ZNF346: variants seen among roughly 807,000 people sequenced by gnomAD.
The protein encoded by ZNF346 is zinc finger protein 346.
A neutral mutation model predicts 33.7 loss-of-function variants in ZNF346; 23 were observed. The observed-to-expected ratio is 0.68, with a 90% CI of 0.49 to 0.97. ZNF346 has a LOEUF of 0.97. Ranked by LOEUF, ZNF346 falls within the 50% of genes least tolerant of loss-of-function variation. The pLI is 0.00. For synonymous variants in ZNF346, 134 were observed against 142.4 expected (o/e 0.94, Z 0.42); for missense variants, 340 against 371.1 (o/e 0.92, Z 0.69).
chr5:177,028,040 CTTTTTTTTTTTTTTTTTTTT>C (rs10682528), intron 1 of ZNF346, among the ~76,000 whole-genome samples: 1 of 33,540 alleles, frequency 3.0e-5, no homozygotes, highest in African/African-American at 1.4e-4. Context: ...CCTTGTGTCA[CTTTTTTTTTTTTTTTTTTTT>C]TTTTTTTTTT....
intron 4 of ZNF346, among the ~76,000 whole-genome samples, chr5:177,047,299 G>A (rs547019848): frequency 5.3e-5 from 8 of 150,928 alleles, no homozygotes; most frequent in African/African-American, 1.2e-4. Flanking sequence ...TGATCTTACC[G>A]TATGGTATGT....
chr5:177,047,030 TTTTATTTATTTATTTA>T (rs140329566), intron 4 of ZNF346, among the ~76,000 whole-genome samples: 3 of 147,794 alleles, frequency 2.0e-5, no homozygotes, highest in African/African-American at 4.9e-5. Flanking sequence ...TTTTATTTAT[TTTTATTTATTTATTTA>T]TTTATTTATT....
intron 3 of ZNF346, among the ~76,000 whole-genome samples, chr5:177,042,922 GCTCACTGCAAC>G (rs1197028116): frequency 6.6e-5 from 10 of 152,196 alleles, no homozygotes; most frequent in African/African-American, 2.4e-4. Context: ...CACGATCTCA[GCTCACTGCAAC>G]CTCCACCTCC....
chr5:177,039,844 ACTCTGC>A (rs538703662), intron 1 of ZNF346, among the ~76,000 whole-genome samples: 3 of 151,946 alleles, frequency 2.0e-5, no homozygotes, highest in African/African-American at 4.8e-5. Context: ...CCAGTTTTAG[ACTCTGC>A]CTCTGCCTCT....
At chr5:177,023,215 C>G (rs543247433) in intron 1 of ZNF346, 2 of 1,536,574 alleles carry the variant, frequency 1.3e-6, no homozygotes, top group African/African-American at 1.4e-5. Context: ...TGTCGGAGAC[C>G]TACAGTCTTT....
At chr5:177,054,344 T>C (rs1256689110) in intron 5 of ZNF346, among the ~76,000 whole-genome samples, 1 of 152,016 alleles carries the variant, frequency 6.6e-6, no homozygotes, top group Non-Finnish European at 1.5e-5. Flanking sequence ...GTGCTGGGAT[T>C]ACAGACATGA....
rs765648257 is a variant in ZNF346 at position 177,041,764 on chromosome 5, C to T, written c.280-14C>T. ...CATTTGGCTATCTTTGATCTTTCTC[C>T]TGGGTTTTTGCAGAGCAAAAAACAT... On this transcript the variant is annotated splice_polypyrimidine_tract_variant and intron_variant, in intron 2 of 6. Transcript: ENST00000358149. 2.1e-5 allele frequency: 33 copies of T among 1,576,278 alleles called. No individual in the cohort carries two copies. The highest frequency in any genetic ancestry group is 2.9e-5 in the Non-Finnish European group (33 of 1,146,652).
intron 1 of ZNF346, among the ~76,000 whole-genome samples, chr5:177,030,153 A>G (rs1777459176): frequency 6.6e-6 from 1 of 152,182 alleles, no homozygotes; most frequent in African/African-American, 2.4e-5. Context: ...TTTTATTTTC[A>G]CTTAAATCAG....
chr5:177,033,288 G>T (rs781268505), intron 1 of ZNF346, among the ~76,000 whole-genome samples: 1 of 152,076 alleles, frequency 6.6e-6, no homozygotes, highest in African/African-American at 2.4e-5. Flanking sequence ...TTTGCTGCCT[G>T]TGTTGGTCTC....
chr5:177,052,406 C>A (rs1040482624), intron 5 of ZNF346: 5 of 151,504 alleles, frequency 3.3e-5, no homozygotes, highest in African/African-American at 7.3e-5. Flanking sequence ...TGGTCTCGAA[C>A]TCCTGACCTC....
chr5:177,045,657 A>G (rs930458652), intron 4 of ZNF346, among the ~76,000 whole-genome samples: 1 of 151,812 alleles, frequency 6.6e-6, no homozygotes, highest in Non-Finnish European at 1.5e-5. Flanking sequence ...CGCCGGCCAA[A>G]ACCTTTTTTT....
chr5:177,026,789 T>G (rs1776843503), intron 1 of ZNF346, among the ~76,000 whole-genome samples: 1 of 152,224 alleles, frequency 6.6e-6, no homozygotes, highest in African/African-American at 2.4e-5. Context: ...GGAGTGGGAC[T>G]CATACAAAGT....
chr5:177,051,203 C>G (rs1391731505), intron 5 of ZNF346, among the ~76,000 whole-genome samples: 8 of 110,668 alleles, frequency 7.2e-5, no homozygotes, highest in Admixed American at 6.4e-4. Context: ...GAGACAGAGT[C>G]TTGCTCTGTC....
chr5:177,056,531 A>G (rs1219379187), intron 5 of ZNF346, among the ~76,000 whole-genome samples: 1 of 152,216 alleles, frequency 6.6e-6, no homozygotes, highest in East Asian at 1.9e-4. Context: ...TCCATCAATG[A>G]TAGACTGGAT....
At chr5:177,041,026 C>A in intron 1 of ZNF346, 100 bp from the exon 2 acceptor site, 2 of 882,316 alleles carry the variant, frequency 2.3e-6, no homozygotes, top group South Asian at 1.5e-5. Context: ...CCTAGTATGG[C>A]ATCCCATCAT....
At chr5:177,038,413 C>A (rs1271548893) in intron 1 of ZNF346, among the ~76,000 whole-genome samples, 1 of 151,132 alleles carries the variant, frequency 6.6e-6, no homozygotes, top group Non-Finnish European at 1.5e-5. Context: ...ACAACCGGCC[C>A]TGTGATGGTC....
rs1030181428 is a variant in ZNF346 at position 177,022,707 on chromosome 5, A to G, written c.-32A>G. On this transcript the variant is annotated 5_prime_UTR_variant, in exon 1 of 7. Coordinates refer to ENST00000358149, the MANE Select transcript of ZNF346 (RefSeq NM_012279.4). ...ATCTCGCGATACCTAGGCGCCTGAG[A>G]GGCTCTCTACCGGTGAGGGTTTGCG... The G allele has an allele frequency of 6.6e-7, 1 of 1,510,458 alleles. No homozygotes were observed. Among genetic ancestry groups the G allele is most frequent in the Non-Finnish European group, 8.8e-7 (1 of 1,136,322 alleles). The allele number at this position is 1,510,458 out of a possible 1,614,324, so 93.6% of individuals were successfully genotyped here. A position where few individuals can be genotyped will look rare whatever the true frequency, so the allele number is the denominator to read the frequency against.
chr5:177,024,200 C>CTTTTTTTTTTTTTT (rs781744965), intron 1 of ZNF346, among the ~76,000 whole-genome samples: 2 of 86,900 alleles, frequency 2.3e-5, no homozygotes, highest in African/African-American at 9.4e-5. Flanking sequence ...GCCCTCTCTC[C>CTTTTTTTTTTTTTT]TTTTTTTTTT....
intron 8 of ZNF346, among the ~76,000 whole-genome samples, chr5:177,075,022 C>T (rs531641835): frequency 2.0e-5 from 3 of 148,586 alleles, no homozygotes; most frequent in East Asian, 4.1e-4. Context: ...GCCGAGATCG[C>T]GCCAGTGCAC....
Sources: allele counts gnomAD v4.1 joint callset (sites outside exome capture counted in the v4.1 genomes callset), GRCh38; gene constraint gnomAD v4.1.1; transcripts MANE v1.5; gene names NCBI Gene and HGNC (gene_info 2026-07-23, HGNC 2026-07-21).